Variants in SLC12A2 observed in about 807,000 individuals in gnomAD.
SLC12A2 encodes solute carrier family 12 member 2.
In SLC12A2, 67 loss-of-function variants were observed where a neutral mutation model predicts 136.3. The observed-to-expected ratio is 0.49, with a 90% CI of 0.40 to 0.60. The LOEUF is 0.60. Ranked by LOEUF, SLC12A2 falls within the 20% of genes least tolerant of loss-of-function variation. The pLI is 0.00. For synonymous variants in SLC12A2, 619 were observed against 562.9 expected, an observed-to-expected ratio of 1.10 and a Z score of -1.41; for missense variants, 1,322 against 1,534.7, an observed-to-expected ratio of 0.86 and a Z score of 2.32.
chr5:128,107,308 T>C (rs1486863667), intron 1 of SLC12A2, among the ~76,000 whole-genome samples: 2 of 152,244 alleles, frequency 1.3e-5, no homozygotes, highest in Admixed American at 6.5e-5. Context: ...ATTTTTGAAT[T>C]ATACTTTAAG....
chr5:128,126,629 G>A (rs916853107), intron 4 of SLC12A2, among the ~76,000 whole-genome samples: 2 of 152,040 alleles, frequency 1.3e-5, no homozygotes, highest in African/African-American at 4.8e-5. Flanking sequence ...AATAGAGATG[G>A]TTTTTACTTT....
intron 16 of SLC12A2, among the ~76,000 whole-genome samples, chr5:128,159,002 CT>C (rs923477059): frequency 2.8e-3 from 398 of 143,066 alleles, no homozygotes; most frequent in African/African-American, 8.3e-3. Flanking sequence ...GACAAGCCAA[CT>C]TTTTTTTTTT....
intron 4 of SLC12A2, among the ~76,000 whole-genome samples, chr5:128,122,919 T>TA (rs1761645514): frequency 1.3e-5 from 2 of 152,124 alleles, no homozygotes; most frequent in African/African-American, 4.8e-5. Flanking sequence ...GAAGCAGCTG[T>TA]AAAACACAGT....
intron 16 of SLC12A2, among the ~76,000 whole-genome samples, chr5:128,160,198 C>T (rs147528517): frequency 0.011 from 1,593 of 151,714 alleles, 32 homozygotes; most frequent in African/African-American, 0.033. Context: ...TGAGAACACA[C>T]GGACACAGGG....
Position 128,134,241 on chromosome 5 carries a change from G to T in SLC12A2, c.1265G>T (p.Gly422Val). 1.9e-6 allele frequency: 3 copies of T among 1,603,266 alleles called. No individual in the cohort carries two copies. The highest frequency in any genetic ancestry group is 2.6e-6 in the Non-Finnish European group (3 of 1,170,650). Reference protein sequence around the residue: ...IGAITVVILLGISVAGMEWEA... With the variant: ...IGAITVVILLVISVAGMEWEA... ...GCCATTACAGTCGTGATTCTTTTAGGTATCTCAGTAGCTGGAATGGAGTGG... is the reference window on the plus strand; with the variant it reads ...GCCATTACAGTCGTGATTCTTTTAGTTATCTCAGTAGCTGGAATGGAGTGG... Residue 422 changes from glycine (G) to valine (V), a missense_variant, in exon 6 of 27, where the codon GGT (glycine) becomes GTT (valine). Around this residue, in one of 8 missense-constraint regions of SLC12A2, gnomAD observed 110 missense variants for 114.5 expected, o/e 0.96. Transcript: ENST00000262461.
intron 1 of SLC12A2, 145 bp from the exon 2 acceptor site, chr5:128,112,669 G>T: frequency 3.8e-6 from 2 of 528,604 alleles, no homozygotes; most frequent in Middle Eastern, 4.8e-4. Flanking sequence ...CTTTCCTGGG[G>T]TAAAATATTT....
At chr5:128,120,170 C>T (rs1761501275) in intron 4 of SLC12A2, among the ~76,000 whole-genome samples, 2 of 152,130 alleles carry the variant, frequency 1.3e-5, no homozygotes, top group South Asian at 4.1e-4. Flanking sequence ...TACCATCTCA[C>T]ACCAGTTAGA....
intron 1 of SLC12A2, among the ~76,000 whole-genome samples, chr5:128,100,841 CT>C (rs1209320098): frequency 2.6e-5 from 4 of 152,062 alleles, no homozygotes; most frequent in Non-Finnish European, 5.9e-5. Context: ...TATTTTCAAG[CT>C]TTTAGTTTAT....
At chr5:128,145,132 A>G (rs1762489037) in intron 10 of SLC12A2, among the ~76,000 whole-genome samples, 1 of 152,126 alleles carries the variant, frequency 6.6e-6, no homozygotes, top group African/African-American at 2.4e-5. Flanking sequence ...AAAACATAGT[A>G]TTTCCAGATG....
intron 1 of SLC12A2, among the ~76,000 whole-genome samples, chr5:128,111,193 TA>T: frequency 6.6e-6 from 1 of 152,152 alleles, no homozygotes; most frequent in African/African-American, 2.4e-5. Flanking sequence ...CTACCTTTAT[TA>T]AAAAATATAT....
intron 4 of SLC12A2, among the ~76,000 whole-genome samples, chr5:128,130,609 G>A (rs1761982854): frequency 6.6e-6 from 1 of 151,646 alleles, no homozygotes; most frequent in African/African-American, 2.4e-5. Flanking sequence ...TTGAACCCAG[G>A]AGGCAGAGGT....
At chr5:128,100,477 A>C (rs1374106254) in intron 1 of SLC12A2, among the ~76,000 whole-genome samples, 2 of 152,150 alleles carry the variant, frequency 1.3e-5, no homozygotes, top group Admixed American at 1.3e-4. Flanking sequence ...ATATAATGCA[A>C]ATATTCCAAA....
intron 5 of SLC12A2, 52 bp from the exon 6 acceptor site, chr5:128,134,113 G>A (rs13174582): frequency 1.1e-6 from 1 of 905,042 alleles, no homozygotes; most frequent in Non-Finnish European, 1.8e-6. Context: ...GAGTGTGAAT[G>A]TGTATAAAAA....
chr5:128,086,250 A>G (rs1036755579), intron 1 of SLC12A2, among the ~76,000 whole-genome samples: 3 of 152,218 alleles, frequency 2.0e-5, no homozygotes, highest in Admixed American at 6.5e-5. Flanking sequence ...GCTACTTTAA[A>G]TTAAATTATC....
At chr5:128,161,834 T>C in intron 17 of SLC12A2, 34 bp downstream of exon 17, 1 of 1,354,524 alleles carries the variant, frequency 7.4e-7, no homozygotes, top group Non-Finnish European at 9.6e-7. Flanking sequence ...ATGCCTACAT[T>C]TTAGATTTGT....
chr5:128,150,552 C>G (rs936090559), intron 13 of SLC12A2, among the ~76,000 whole-genome samples: 2 of 151,732 alleles, frequency 1.3e-5, no homozygotes, highest in African/African-American at 4.8e-5. Flanking sequence ...GAACAGGGAA[C>G]ATATAAAGTA....
intron 1 of SLC12A2, chr5:128,110,335 T>C (rs1402643783): frequency 1.1e-6 from 1 of 920,632 alleles, no homozygotes; most frequent in Non-Finnish European, 1.8e-6. Flanking sequence ...ATGGGCTGGG[T>C]AAGTCTGGAT....
chr5:128,107,323 A>G (rs933899903), intron 1 of SLC12A2, among the ~76,000 whole-genome samples: 8 of 152,154 alleles, frequency 5.3e-5, no homozygotes, highest in Non-Finnish European at 1.0e-4. Context: ...TTTAAGTTCT[A>G]GCATACATGT....
chr5:128,120,457 C>T (rs202036941), intron 4 of SLC12A2, among the ~76,000 whole-genome samples: 10 of 149,156 alleles, frequency 6.7e-5, no homozygotes, highest in African/African-American at 2.5e-4. Context: ...TTGGAACCAA[C>T]CCAAATGTCC....
Sources: allele counts gnomAD v4.1 joint callset (sites outside exome capture counted in the v4.1 genomes callset), GRCh38; gene constraint gnomAD v4.1.1; regional missense constraint gnomAD v4.1.1; transcripts MANE v1.5; gene names NCBI Gene and HGNC (gene_info 2026-07-23, HGNC 2026-07-21).